DNAAF11: variants seen among roughly 807,000 people sequenced by gnomAD.
DNAAF11 encodes leucine rich repeat containing 6.
A neutral mutation model predicts 60.8 loss-of-function variants in DNAAF11; 45 were observed. The observed-to-expected ratio is 0.74, with a 90% CI of 0.58 to 0.95. The LOEUF is 0.95. Ranked by LOEUF, DNAAF11 falls within the 40% of genes least tolerant of loss-of-function variation. The probability of loss-of-function intolerance (pLI) is 0.00; values close to 1 mark genes in which losing one functional copy is unlikely to be tolerated. For missense variants in DNAAF11, 546 were observed against 546.2 expected (o/e 1.00, Z 0.00); for synonymous variants, 191 against 183.5 (o/e 1.04, Z -0.33).
intron 3 of DNAAF11, among the ~76,000 whole-genome samples, chr8:132,644,712 C>T (rs772344013): frequency 1.8e-4 from 27 of 152,178 alleles, no homozygotes; most frequent in African/African-American, 6.5e-4. Flanking sequence ...GAGGGTCCCA[C>T]GCCCATGGAG....
At chr8:132,617,729 C>T (rs1162030821) in intron 7 of DNAAF11, among the ~76,000 whole-genome samples, 1 of 151,882 alleles carries the variant, frequency 6.6e-6, no homozygotes, top group African/African-American at 2.4e-5. Context: ...CCTAGGAATC[C>T]AACTTACAAG....
At chr8:132,691,528 A>G in the DNAAF11 span, among the ~76,000 whole-genome samples, 1 of 152,076 alleles carries the variant, frequency 6.6e-6, no homozygotes. Flanking sequence ...CATACCTGAG[A>G]CTCGGCAATT....
At chr8:132,668,052 G>A (rs1824808350) in intron 1 of DNAAF11, among the ~76,000 whole-genome samples, 1 of 152,060 alleles carries the variant, frequency 6.6e-6, no homozygotes, top group African/African-American at 2.4e-5. Context: ...TGAAGATTTT[G>A]TAGCATTCAG....
the DNAAF11 span, among the ~76,000 whole-genome samples, chr8:132,695,092 C>A: frequency 1.3e-5 from 2 of 152,100 alleles, no homozygotes; most frequent in African/African-American, 4.8e-5. Context: ...AGGTTGTTGA[C>A]GTCTTTAACA....
chr8:132,655,596 A>T (rs1384777362), intron 3 of DNAAF11, among the ~76,000 whole-genome samples: 1 of 152,210 alleles, frequency 6.6e-6, no homozygotes, highest in African/African-American at 2.4e-5. Context: ...ATATATAAAG[A>T]ACACTTGCAA....
intron 3 of DNAAF11, among the ~76,000 whole-genome samples, chr8:132,639,343 C>T (rs1282894332): frequency 2.6e-5 from 4 of 152,204 alleles, no homozygotes; most frequent in African/African-American, 9.7e-5. Flanking sequence ...CCTCCAATGT[C>T]TAGAAAGCCT....
intron 2 of DNAAF11, among the ~76,000 whole-genome samples, chr8:132,660,540 C>T (rs1450612169): frequency 1.3e-5 from 2 of 152,178 alleles, no homozygotes; most frequent in African/African-American, 4.8e-5. Context: ...GGGGATTCTC[C>T]TTCTGTGTCC....
chr8:132,576,756 A>T (rs1814788663), intron 11 of DNAAF11, among the ~76,000 whole-genome samples: 1 of 152,160 alleles, frequency 6.6e-6, no homozygotes, highest in Admixed American at 6.5e-5. Flanking sequence ...ATAAAAAACA[A>T]GTCTGGTCCT....
At chr8:132,580,650 A>C (rs1175605529) in intron 11 of DNAAF11, among the ~76,000 whole-genome samples, 1 of 152,226 alleles carries the variant, frequency 6.6e-6, no homozygotes, top group Non-Finnish European at 1.5e-5. Context: ...ATACACCTAA[A>C]AATTAATAAA....
At chr8:132,666,227 G>A (rs1824614261) in intron 1 of DNAAF11, among the ~76,000 whole-genome samples, 1 of 152,122 alleles carries the variant, frequency 6.6e-6, no homozygotes, top group African/African-American at 2.4e-5. Flanking sequence ...ACCTGCACAT[G>A]TACCCTCTGA....
At chr8:132,633,232 A>G (rs1272650198) in intron 4 of DNAAF11, among the ~76,000 whole-genome samples, 1 of 152,164 alleles carries the variant, frequency 6.6e-6, no homozygotes, top group Non-Finnish European at 1.5e-5. Flanking sequence ...TTTTCTATTA[A>G]TTTTATAATT....
At chr8:132,593,006 A>T (rs1479789197) in intron 10 of DNAAF11, among the ~76,000 whole-genome samples, 1 of 152,018 alleles carries the variant, frequency 6.6e-6, no homozygotes, top group Non-Finnish European at 1.5e-5. Context: ...GGATAAGATC[A>T]ATCAGGAGAG....
chr8:132,696,199 A>T, the DNAAF11 span, among the ~76,000 whole-genome samples: 2 of 152,220 alleles, frequency 1.3e-5, no homozygotes, highest in Non-Finnish European at 2.9e-5. Context: ...GATAATCAAC[A>T]TCATTATCCA....
chr8:132,656,855 G>T lies in DNAAF11; in HGVS notation c.231C>A (p.Asn77Lys). Residue 77 changes from asparagine (N) to lysine (K), a missense_variant, in exon 3 of 12, where the codon AAC (asparagine) becomes AAA (lysine). Transcript: ENST00000620350. ...KLEYLNLALN[N>K]IEKIENLEGC... is the part of the protein sequence containing the mutation. Reference sequence around the variant, plus strand: ...CTTCCAAGTTTTCTATTTTTTCAATGTTGTTTAAAGCTAAATTCAAATATT... The same window carrying T: ...CTTCCAAGTTTTCTATTTTTTCAATTTTGTTTAAAGCTAAATTCAAATATT... 2 of 1,362,028 alleles carry T rather than the reference G, an allele frequency of 1.5e-6. No individual in the cohort carries two copies. Among genetic ancestry groups the T allele is most frequent in the Non-Finnish European group, 2.1e-6 (2 of 970,982 alleles). The allele number at this position is 1,362,028 out of a possible 1,614,324, so 84.4% of individuals were successfully genotyped here. A position where few individuals can be genotyped will look rare whatever the true frequency, so the allele number is the denominator to read the frequency against.
the DNAAF11 span, among the ~76,000 whole-genome samples, chr8:132,691,854 T>C: frequency 6.6e-6 from 1 of 152,082 alleles, no homozygotes; most frequent in African/African-American, 2.4e-5. Flanking sequence ...GGAAGGCCCA[T>C]GTGGCTGGAG....
chr8:132,687,457 T>A, the DNAAF11 span: 1 of 358,262 alleles, frequency 2.8e-6, no homozygotes, highest in Non-Finnish European at 5.5e-6. Context: ...TCTTTTTTCT[T>A]ATACCTTGAT....
At chr8:132,594,076 T>C (rs1032594937) in intron 10 of DNAAF11, among the ~76,000 whole-genome samples, 1 of 152,046 alleles carries the variant, frequency 6.6e-6, no homozygotes, top group Non-Finnish European at 1.5e-5. Flanking sequence ...ATACAAATAA[T>C]AAGCAGAATA....
chr8:132,687,635 G>C, the DNAAF11 span: 49 of 456,188 alleles, frequency 1.1e-4, no homozygotes, highest in South Asian at 7.6e-4. Flanking sequence ...CTCACCCATC[G>C]TGTGGTTGGC....
upstream of DNAAF11, among the ~76,000 whole-genome samples, chr8:132,675,816 G>C (rs899838949): frequency 3.3e-5 from 5 of 152,198 alleles, no homozygotes; most frequent in African/African-American, 7.2e-5. Context: ...GTATGAGGAC[G>C]CTTCTCTTTT....
Sources: gnomAD v4.1 joint callset for allele counts (sites outside exome capture counted in the v4.1 genomes callset) on GRCh38, gnomAD v4.1.1 for gene constraint, MANE v1.5 for transcripts, NCBI Gene and HGNC (gene_info 2026-07-23, HGNC 2026-07-21) for gene names.